Variants in ENPP1 observed in about 807,000 individuals in gnomAD.
ENPP1 encodes ectonucleotide pyrophosphatase/phosphodiesterase family member 1.
In ENPP1, 73 loss-of-function variants were observed where a neutral mutation model predicts 122.8. That is an observed-to-expected ratio of 0.59 (90% CI 0.49 to 0.72). The LOEUF (loss-of-function observed/expected upper bound fraction) is 0.72. Ranked by LOEUF, ENPP1 falls within the 30% of genes least tolerant of loss-of-function variation. The pLI is 0.00. For synonymous variants in ENPP1, 367 were observed against 391.6 expected, an observed-to-expected ratio of 0.94 and a Z score of 0.74; for missense variants, 978 against 1,128.1, an observed-to-expected ratio of 0.87 and a Z score of 1.91.
In ENPP1 at chr6:131,869,422, T is replaced by C. The variant is rs760586226; in HGVS notation, c.1338T>C (p.Asn446=). 7 of 1,613,228 alleles carry C rather than the reference T, an allele frequency of 4.3e-6. No individual in the cohort carries two copies. The highest frequency in any genetic ancestry group is 5.9e-6 in the Non-Finnish European group (7 of 1,179,238). The change falls in exon 13 of 25, where the codon AAT becomes AAC. Residue 446 remains asparagine, a synonymous_variant. Transcript: ENST00000647893. The part of the protein sequence containing the change: ...YLNKYLGDVK[N]IKVIYGPAAR... The stretch of plus-strand genomic sequence containing the variant: ...ATAAATATTTGGGGGATGTTAAAAA[T>C]ATTAAAGTTATCTATGGACCTGCAG...
intron 1 of ENPP1, chr6:131,819,923 T>G: frequency 1.9e-6 from 1 of 535,526 alleles, no homozygotes; most frequent in Non-Finnish European, 3.5e-6. Flanking sequence ...TGGAATCAGA[T>G]GAGTTTCCAT....
intron 6 of ENPP1, among the ~76,000 whole-genome samples, chr6:131,857,633 C>T (rs1194385460): frequency 3.3e-5 from 5 of 151,694 alleles, no homozygotes; most frequent in African/African-American, 1.2e-4. Context: ...GGGAATATCA[C>T]ACTCTGGGGA....
chr6:131,853,918 G>A (rs1781911368), intron 5 of ENPP1, among the ~76,000 whole-genome samples: 1 of 152,014 alleles, frequency 6.6e-6, no homozygotes, highest in Non-Finnish European at 1.5e-5. Flanking sequence ...ATCCTCTGTG[G>A]TTTTTGGCCT....
At chr6:131,876,527 G>C (rs1247626840) in intron 17 of ENPP1, among the ~76,000 whole-genome samples, 3 of 152,120 alleles carry the variant, frequency 2.0e-5, no homozygotes, top group Non-Finnish European at 2.9e-5. Context: ...TACTACATAA[G>C]TATTTGCTGT....
At chr6:131,861,199 G>T (rs368930081) in intron 8 of ENPP1, among the ~76,000 whole-genome samples, 8 of 152,216 alleles carry the variant, frequency 5.3e-5, no homozygotes, top group Admixed American at 2.6e-4. Flanking sequence ...TAGGATTATT[G>T]TGAGGATTAT....
chr6:131,829,002 A>C (rs1781578715), intron 1 of ENPP1, among the ~76,000 whole-genome samples: 2 of 152,270 alleles, frequency 1.3e-5, no homozygotes, highest in African/African-American at 2.4e-5. Flanking sequence ...TCAGAAAAAA[A>C]CAGCAAATAA....
intron 22 of ENPP1, 37 bp downstream of exon 22, chr6:131,883,811 G>A (rs2114728521): frequency 1.9e-6 from 2 of 1,073,160 alleles, no homozygotes; most frequent in East Asian, 4.7e-5. Flanking sequence ...TAATTTTAAT[G>A]AATTTGTGCA....
chr6:131,827,821 A>T (rs531448385), intron 1 of ENPP1: 2 of 1,149,548 alleles, frequency 1.7e-6, no homozygotes, highest in South Asian at 2.4e-5. Flanking sequence ...TCTGGAATCT[A>T]TGTCAGTTGA....
chr6:131,840,448 C>G lies in ENPP1; in HGVS notation c.241-7328C>G, dbSNP rs566382528. 2.0e-5 allele frequency among the ~76,000 whole-genome samples: 3 copies of G among 152,336 alleles called. No homozygotes were observed. In the East Asian group the frequency reaches 5.8e-4, roughly 29 times the overall value. On this transcript the variant is annotated intron_variant, in intron 1 of 24. Transcript: ENST00000647893. ...GTTGACAAACATTGGTAAAGTTGTA[C>G]TATCCCTTTGGAAGAATCCGTAGTG...
intron 19 of ENPP1, among the ~76,000 whole-genome samples, chr6:131,879,450 T>G (rs1782274034): frequency 6.6e-6 from 1 of 152,156 alleles, no homozygotes; most frequent in African/African-American, 2.4e-5. Context: ...ATAAATAATA[T>G]CTATATTGTT....
intron 12 of ENPP1, among the ~76,000 whole-genome samples, chr6:131,869,111 C>G (rs1782126022): frequency 6.6e-6 from 1 of 152,016 alleles, no homozygotes; most frequent in Non-Finnish European, 1.5e-5. Context: ...TCTTTGCTCA[C>G]ATAATGATAT....
At chr6:131,811,898 A>G (rs546350335) in intron 1 of ENPP1, among the ~76,000 whole-genome samples, 1 of 152,284 alleles carries the variant, frequency 6.6e-6, no homozygotes, top group East Asian at 1.9e-4. Context: ...TTTGTCCCAC[A>G]TTGCTGGGAA....
Position 131,868,228 on chromosome 6 carries a change from T to A in ENPP1, c.1273+102T>A, listed in dbSNP as rs1782114611. On this transcript the variant is annotated intron_variant, in intron 12 of 24. Transcript: ENST00000647893. ...CTGAATGTTGTAGTTAATTCTTTTT[T>A]AAAAATGTAGTTTCTTATGGACAGT... 5 of 842,364 alleles carry A rather than the reference T, an allele frequency of 5.9e-6. No individual in the cohort carries two copies. The South Asian group carries it at 7.1e-5, about 12-fold the overall frequency. The allele number at this position is 842,364 out of a possible 1,614,324, so 52.2% of individuals were successfully genotyped here.
In ENPP1 at chr6:131,850,625, G is replaced by A. The variant is rs186115147; in HGVS notation, c.431-517G>A. On this transcript the variant is annotated intron_variant, in intron 3 of 24. Transcript: ENST00000647893. ...GTTCTGTCACCCAGGCTGGAGAGCC[G>A]TTGCTCGACCATGGCTCGTTGCAAC... Among the ~76,000 whole-genome samples the A allele has an allele frequency of 1.5e-3, 230 of 152,256 alleles. 1 individual carries two copies. Among genetic ancestry groups the A allele is most frequent in the African/African-American group, 5.1e-3 (213 of 41,552 alleles).
chr6:131,850,141 T>G lies in ENPP1; in HGVS notation c.430+35T>G, dbSNP rs145045581. 33 of 1,347,558 alleles carry G rather than the reference T, an allele frequency of 2.4e-5. No individual in the cohort carries two copies. In the East Asian group the frequency reaches 7.6e-4, roughly 31 times the overall value. 83.5% of individuals were successfully genotyped at this position (1,347,558 alleles called of 1,614,324 possible). On this transcript the variant is annotated intron_variant, in intron 3 of 24. Coordinates refer to ENST00000647893, the MANE Select transcript of ENPP1 (RefSeq NM_006208.3). ...AGCAGGGAAAAAAGTGGAGTTATGG[T>G]CATTAGGAAAAGATCAAGGAAAGTT...
At chr6:131,880,143 C>A in intron 20 of ENPP1, 109 bp downstream of exon 20, 1 of 1,112,180 alleles carries the variant, frequency 9.0e-7, no homozygotes, top group Non-Finnish European at 1.4e-6. Flanking sequence ...TCAGTTCCCG[C>A]ATTAGAGGAA....
chr6:131,843,377 T>C (rs1295234441), intron 1 of ENPP1, among the ~76,000 whole-genome samples: 6 of 152,210 alleles, frequency 3.9e-5, no homozygotes, highest in Non-Finnish European at 8.8e-5. Flanking sequence ...TTTTTAATAA[T>C]GAAGAGGTGA....
Position 131,885,072 on chromosome 6 carries a change from A to G in ENPP1, c.2444+9A>G, listed in dbSNP as rs544609181. 1 of 1,613,638 alleles carries G rather than the reference A, an allele frequency of 6.2e-7. No individual in the cohort carries two copies. Among genetic ancestry groups the G allele is most frequent in the Non-Finnish European group, 8.5e-7 (1 of 1,179,686 alleles). On this transcript the variant is annotated intron_variant, in intron 23 of 24. Coordinates refer to ENST00000647893, the MANE Select transcript of ENPP1 (RefSeq NM_006208.3). The stretch of plus-strand genomic sequence containing the variant: ...TTAGAGAATCTGAGGCAGTAAGAAC[A>G]TATTTCATTACTCTTAAAAATAGGA...
At chr6:131,851,560 A>G (rs933017146) in intron 4 of ENPP1, 11 of 401,622 alleles carry the variant, frequency 2.7e-5, no homozygotes, top group African/African-American at 2.1e-4. Context: ...CTCTCATGTT[A>G]TTTTGATAAT....
Sources: gnomAD v4.1 joint callset for allele counts (sites outside exome capture counted in the v4.1 genomes callset) on GRCh38, gnomAD v4.1.1 for gene constraint, MANE v1.5 for transcripts, NCBI Gene and HGNC (gene_info 2026-07-23, HGNC 2026-07-21) for gene names.